Variants in TP53BP1 observed in about 807,000 individuals in gnomAD.
TP53BP1 encodes the protein TP53-binding protein 1.
Under a neutral mutation model 200.8 loss-of-function variants are expected in TP53BP1, and 61 were observed. The observed-to-expected ratio is 0.30, with a 90% confidence interval of 0.25 to 0.38. The LOEUF (loss-of-function observed/expected upper bound fraction) is 0.38, where lower values mean the gene tolerates loss of function less well. Ranked by LOEUF, TP53BP1 falls within the 10% of genes least tolerant of loss-of-function variation. TP53BP1 has a pLI of 1.00. For missense variants in TP53BP1, 2,144 were observed against 2,371.9 expected (o/e 0.90, Z 2.00); for synonymous variants, 822 against 844.3 (o/e 0.97, Z 0.46).
intron 27 of TP53BP1, 48 bp downstream of exon 27, chr15:43,407,895 C>T (rs12593128): frequency 9.5e-6 from 15 of 1,574,856 alleles, no homozygotes; most frequent in Non-Finnish European, 1.3e-5. Context: ...ACCTACAGGT[C>T]TAAGGAGATC....
In TP53BP1 at chr15:43,404,774, T is replaced by A; in HGVS notation, c.*2609A>T. ...CTAAAAAACCTGACAGTGAGATAGG[T>A]GTTAAGTCCTTTGCTAGGTTATGTA... On this transcript the variant is annotated 3_prime_UTR_variant, in exon 28 of 28. Transcript: ENST00000382044. 1 of 563,740 alleles carries A rather than the reference T, an allele frequency of 1.8e-6. No homozygotes were observed. The highest frequency in any genetic ancestry group is 2.4e-5 in the South Asian group (1 of 41,432). The allele number at this position is 563,740 out of a possible 1,614,324, so 34.9% of individuals were successfully genotyped here. A position where few individuals can be genotyped will look rare whatever the true frequency, so the allele number is the denominator to read the frequency against.
chr15:43,450,569 TAC>T (rs1230049890), intron 12 of TP53BP1, among the ~76,000 whole-genome samples: 2 of 152,192 alleles, frequency 1.3e-5, no homozygotes, highest in Non-Finnish European at 2.9e-5. Flanking sequence ...CTGAACTCCT[TAC>T]AGTTTTTCAC....
chr15:43,410,979 T>C (rs1483095861), intron 24 of TP53BP1, among the ~76,000 whole-genome samples: 3 of 152,208 alleles, frequency 2.0e-5, no homozygotes, highest in Non-Finnish European at 4.4e-5. Flanking sequence ...ATTTCTCAGC[T>C]TTGTCATAGC....
intron 4 of TP53BP1, among the ~76,000 whole-genome samples, chr15:43,491,135 C>A (rs918831403): frequency 6.7e-6 from 1 of 150,176 alleles, no homozygotes; most frequent in African/African-American, 2.5e-5. Flanking sequence ...AGATAAAGTA[C>A]ACTGGTACAA....
At chr15:43,452,568 C>G (rs1380687070) in intron 12 of TP53BP1, among the ~76,000 whole-genome samples, 1 of 151,484 alleles carries the variant, frequency 6.6e-6, no homozygotes, top group African/African-American at 2.4e-5. Context: ...GGCTCAAAAA[C>G]AAACAAAAAA....
chr15:43,408,590 G>C (rs2045004293), intron 26 of TP53BP1: 2 of 354,728 alleles, frequency 5.6e-6, no homozygotes, highest in Non-Finnish European at 1.1e-5. Context: ...CTGGGGCTGA[G>C]AATAATCCAA....
chr15:43,481,126 T>G (rs1056811046), intron 4 of TP53BP1, 104 bp from the exon 5 acceptor site: 2 of 1,375,106 alleles, frequency 1.5e-6, no homozygotes, highest in African/African-American at 2.9e-5. Flanking sequence ...TAGCCAAACT[T>G]GAAAAAGTAA....
At chr15:43,478,249 T>G (rs965440560) in intron 7 of TP53BP1, among the ~76,000 whole-genome samples, 1 of 152,132 alleles carries the variant, frequency 6.6e-6, no homozygotes, top group African/African-American at 2.4e-5. Context: ...CTCCTTCAGA[T>G]CAATACTAAC....
intron 11 of TP53BP1, among the ~76,000 whole-genome samples, chr15:43,466,463 C>G (rs998550798): frequency 1.3e-5 from 2 of 152,178 alleles, no homozygotes; most frequent in African/African-American, 4.8e-5. Context: ...ATGTCATAGG[C>G]TCTGCTGTGA....
intron 12 of TP53BP1, among the ~76,000 whole-genome samples, chr15:43,452,237 G>T (rs1200006753): frequency 6.6e-6 from 1 of 152,124 alleles, no homozygotes; most frequent in Non-Finnish European, 1.5e-5. Context: ...ACGCTCTTCT[G>T]AATGATTTAT....
chr15:43,435,995 C>A (rs1471959673), intron 16 of TP53BP1, among the ~76,000 whole-genome samples: 2 of 146,684 alleles, frequency 1.4e-5, no homozygotes, highest in Non-Finnish European at 3.0e-5. Flanking sequence ...CCCATCCAGT[C>A]TTTTTTTTTT....
At chr15:43,465,147 AGTAGACTGGTGTCTACTTTCCATTT>A (rs901351145) in intron 11 of TP53BP1, among the ~76,000 whole-genome samples, 9 of 152,170 alleles carry the variant, frequency 5.9e-5, no homozygotes, top group Non-Finnish European at 1.0e-4. Flanking sequence ...AGAGACAGAA[AGTAGACTGGTGTCTACTTTCCATTT>A]GTAGACTGGT....
At chr15:43,446,615 AG>A in intron 13 of TP53BP1, 25 bp from the exon 14 acceptor site, 3 of 1,600,926 alleles carry the variant, frequency 1.9e-6, no homozygotes, top group Non-Finnish European at 2.6e-6. Context: ...GCAGGGAGGA[AG>A]AAAAAAAGAA....
chr15:43,447,188 TTTACCCC>T (rs1412363940), intron 13 of TP53BP1, 171 bp downstream of exon 13: 6 of 622,922 alleles, frequency 9.6e-6, no homozygotes, highest in South Asian at 6.0e-5. Context: ...CCTTCCTCTC[TTTACCCC>T]TCATCTCCTA....
chr15:43,483,233 AACAC>A (rs71431896), intron 4 of TP53BP1, among the ~76,000 whole-genome samples: 2,301 of 142,800 alleles, frequency 0.016, 26 homozygotes, highest in African/African-American at 0.025. Flanking sequence ...AAAAGTACAG[AACAC>A]ACACACACAC....
In TP53BP1 at chr15:43,407,989, A is replaced by C; in HGVS notation, c.5700T>G (p.Gly1900=). The change falls in exon 27 of 28, where the codon GGT becomes GGG. Residue 1900 remains glycine, a synonymous_variant. Transcript: ENST00000382044. ...GGTGCTGCTTCACAGAGGCTGCACC[A>C]CCAGTCATGAGGATCTCAGACCAGA... ...LELWSEILMT[G]GAASVKQHHS... The C allele has an allele frequency of 6.2e-7, 1 of 1,614,054 alleles. No individual in the cohort carries two copies. Among genetic ancestry groups the C allele is most frequent in the Non-Finnish European group, 8.5e-7 (1 of 1,180,004 alleles).
intron 4 of TP53BP1, among the ~76,000 whole-genome samples, chr15:43,484,470 A>T (rs2079018193): frequency 6.6e-6 from 1 of 152,152 alleles, no homozygotes; most frequent in Non-Finnish European, 1.5e-5. Flanking sequence ...TAAAAATCTA[A>T]ATCAGATCAT....
At chr15:43,417,671 C>G (rs1256687418) in intron 21 of TP53BP1, among the ~76,000 whole-genome samples, 1 of 152,122 alleles carries the variant, frequency 6.6e-6, no homozygotes, top group Admixed American at 6.5e-5. Context: ...TAGCTTTACA[C>G]CTGAAAGAAG....
chr15:43,444,685 A>G (rs2143004257), intron 14 of TP53BP1, among the ~76,000 whole-genome samples: 1 of 152,286 alleles, frequency 6.6e-6, no homozygotes. Flanking sequence ...AATGAGCTAT[A>G]CATGTGAAGT....
Sources: allele counts gnomAD v4.1 joint callset (sites outside exome capture counted in the v4.1 genomes callset), GRCh38; gene constraint gnomAD v4.1.1; transcripts MANE v1.5; gene names NCBI Gene and HGNC (gene_info 2026-07-23, HGNC 2026-07-21).